VASH2: variants seen among roughly 807,000 people sequenced by gnomAD.
VASH2 encodes the protein tubulinyl-Tyr carboxypeptidase 2.
VASH2 carries 28 observed loss-of-function variants against 37.2 expected under a neutral mutation model. The ratio of observed to expected loss-of-function variants is 0.75; its 90% CI spans 0.56 to 1.03. The LOEUF is 1.03. VASH2 is among the 50% of genes least tolerant of loss of function. The pLI is 0.00. For synonymous variants in VASH2, 188 were observed against 174.7 expected, an observed-to-expected ratio of 1.08 and a Z score of -0.60; for missense variants, 419 against 459.1, an observed-to-expected ratio of 0.91 and a Z score of 0.80.
intron 5 of VASH2, chr1:212,966,872 C>T (rs143673134): frequency 4.6e-4 from 165 of 359,412 alleles, no homozygotes; most frequent in African/African-American, 2.9e-3. Context: ...GGATTACAGG[C>T]GCAGGCCACC....
intron 7 of VASH2, among the ~76,000 whole-genome samples, chr1:212,985,145 C>G (rs1172163988): frequency 1.3e-5 from 2 of 151,678 alleles, no homozygotes; most frequent in African/African-American, 4.8e-5. Context: ...TCTCAGCCTT[C>G]CAAGTAGCTG....
intron 2 of VASH2, among the ~76,000 whole-genome samples, chr1:212,960,304 T>C (rs929304861): frequency 9.9e-5 from 15 of 152,086 alleles, no homozygotes; most frequent in African/African-American, 3.4e-4. Flanking sequence ...GGAGTGTTGA[T>C]TGAGGGGCAG....
rs533964207 is a variant in VASH2, at chr1:212,991,070, A to G, written c.*2486A>G. 4 of 152,374 alleles carry G rather than the reference A, an allele frequency of 2.6e-5. No homozygotes were observed. The East Asian group carries it at 7.7e-4, about 29-fold the overall frequency. The allele number at this position is 152,374 out of a possible 1,614,324, so 9.4% of individuals were successfully genotyped here. The stretch of plus-strand genomic sequence containing the variant: ...GCAAGAGAAATTTTATGTTTAAGCC[A>G]TCATGGCAATATATGCAAAGTTTAA... On this transcript the variant is annotated 3_prime_UTR_variant, in exon 8 of 8. Coordinates refer to ENST00000517399, the MANE Select transcript of VASH2 (RefSeq NM_001301056.2).
chr1:212,969,471 T>C (rs1023020418), intron 5 of VASH2, among the ~76,000 whole-genome samples: 1 of 151,940 alleles, frequency 6.6e-6, no homozygotes, highest in Non-Finnish European at 1.5e-5. Flanking sequence ...GCTGGGATTA[T>C]AGGCGTGAAC....
intron 5 of VASH2, chr1:212,969,155 C>G: frequency 5.1e-6 from 5 of 985,014 alleles, no homozygotes; most frequent in Non-Finnish European, 6.0e-6. Context: ...AAATTTGACT[C>G]TTGCACACAG....
chr1:212,958,901 C>CTTTT (rs1001836819), intron 2 of VASH2, among the ~76,000 whole-genome samples: 1 of 145,768 alleles, frequency 6.9e-6, no homozygotes, highest in African/African-American at 2.5e-5. Context: ...TTCTTTCTTT[C>CTTTT]TTTTTTTTTT....
At position 212,990,628 on chromosome 1, in the gene VASH2, G is replaced by C. The variant is rs1029294652; in HGVS notation, c.*2044G>C. On this transcript the variant is annotated 3_prime_UTR_variant, in exon 8 of 8. Coordinates refer to ENST00000517399, the MANE Select transcript of VASH2 (RefSeq NM_001301056.2). ...TGCATAGCTTGTTTCCCACAACAAG[G>C]AGGAAAAGAACAGGAATACAAACTC... 6.6e-6 allele frequency: 1 copy of C among 152,148 alleles called. No homozygotes were observed. Among genetic ancestry groups the C allele is most frequent in the Non-Finnish European group, 1.5e-5 (1 of 68,040 alleles). 9.4% of individuals were successfully genotyped at this position (152,148 alleles called of 1,614,324 possible). A position where few individuals can be genotyped will look rare whatever the true frequency, so the allele number is the denominator to read the frequency against.
chr1:212,970,387 C>T (rs909118225), intron 5 of VASH2, among the ~76,000 whole-genome samples: 1 of 152,214 alleles, frequency 6.6e-6, no homozygotes, highest in African/African-American at 2.4e-5. Context: ...ACCTGGCTGA[C>T]TACTTATCCT....
intron 7 of VASH2, among the ~76,000 whole-genome samples, chr1:212,976,236 A>G (rs1034099236): frequency 4.6e-5 from 7 of 152,166 alleles, no homozygotes; most frequent in Non-Finnish European, 1.0e-4. Flanking sequence ...ATCTACTTAG[A>G]ATTGCCAGTT....
chr1:212,951,860 T>C lies in VASH2; in HGVS notation c.276+42T>C. 6.4e-7 allele frequency: 1 copy of C among 1,571,110 alleles called. No individual in the cohort carries two copies. Reference sequence around the variant, plus strand: ...GCGGAGTTGGGGGGCTGGGGGTAGGTAGGCAGCGATGGGACCGTTTCAGCC... The same window carrying C: ...GCGGAGTTGGGGGGCTGGGGGTAGGCAGGCAGCGATGGGACCGTTTCAGCC... On this transcript the variant is annotated intron_variant, in intron 2 of 7. Coordinates refer to ENST00000517399, the MANE Select transcript of VASH2 (RefSeq NM_001301056.2). The surrounding 1 kb of genome is among the most constrained non-coding windows in gnomAD (Gnocchi z 4.4).
intron 7 of VASH2, among the ~76,000 whole-genome samples, chr1:212,987,993 T>C (rs901363009): frequency 6.6e-6 from 1 of 152,218 alleles, no homozygotes; most frequent in Non-Finnish European, 1.5e-5. Context: ...TTTTCCACAC[T>C]GACATGCTTT....
chr1:212,962,284 G>A (rs1032729703), intron 3 of VASH2, among the ~76,000 whole-genome samples: 2 of 152,146 alleles, frequency 1.3e-5, no homozygotes, highest in Non-Finnish European at 2.9e-5. Flanking sequence ...TGCCCCTTCT[G>A]GTATTTTATA....
intron 3 of VASH2, 159 bp downstream of exon 3, chr1:212,961,413 G>C: frequency 6.8e-7 from 1 of 1,464,166 alleles, no homozygotes; most frequent in South Asian, 1.4e-5. Flanking sequence ...TAGAAAGAGT[G>C]TGCGTGGAGG....
rs780949869 is a variant in VASH2 at position 212,961,151 on chromosome 1, T to A, written c.277-15T>A. On this transcript the variant is annotated splice_polypyrimidine_tract_variant and intron_variant, in intron 2 of 7. Transcript: ENST00000517399. ...CCTCCTTCATAAACACCTCCTCTTC[T>A]CTATTTTTCTGCAGCCTTCAATACC... The A allele has an allele frequency of 6.2e-7, 1 of 1,613,916 alleles. No individual in the cohort carries two copies. Among genetic ancestry groups the A allele is most frequent in the East Asian group, 2.2e-5 (1 of 44,876 alleles).
intron 2 of VASH2, among the ~76,000 whole-genome samples, chr1:212,954,313 A>G (rs572724965): frequency 6.6e-6 from 1 of 152,352 alleles, no homozygotes; most frequent in East Asian, 1.9e-4. Context: ...CACATATGAA[A>G]CACAGGCTTC....
chr1:212,985,802 G>C (rs535654103), intron 7 of VASH2, among the ~76,000 whole-genome samples: 8 of 152,264 alleles, frequency 5.3e-5, no homozygotes, highest in African/African-American at 1.9e-4. Context: ...AAAGATGAAG[G>C]GCACATACCA....
At chr1:212,953,456 C>G (rs1438361755) in intron 2 of VASH2, among the ~76,000 whole-genome samples, 2 of 152,172 alleles carry the variant, frequency 1.3e-5, no homozygotes, top group Non-Finnish European at 2.9e-5. Context: ...CCGCAAATCA[C>G]ATTTCATCAC....
intron 7 of VASH2, among the ~76,000 whole-genome samples, chr1:212,979,364 G>A (rs886724208): frequency 6.6e-6 from 1 of 152,216 alleles, no homozygotes; most frequent in Non-Finnish European, 1.5e-5. Context: ...TGGTGACTCT[G>A]TCCCTGTGCT....
Position 212,951,655 on chromosome 1 carries a change from CAG to C in VASH2, c.116_117del (p.Glu39GlyfsTer37). On this transcript the variant is annotated frameshift_variant, in exon 2 of 8. Coordinates refer to ENST00000517399, the MANE Select transcript of VASH2 (RefSeq NM_001301056.2). LOFTEE classifies it high-confidence loss of function. This position sits in a 1 kb window ranked among gnomAD's most constrained non-coding sequence, Gnocchi z 4.4. ...GTGAGCCTCGCCACCAGCGGGGGCT[CAG>C]AGGAGGAGGACAAAGACGGCGGGGT... 1 of 1,589,224 alleles carries C rather than the reference CAG, an allele frequency of 6.3e-7. No individual in the cohort carries two copies. Among genetic ancestry groups the C allele is most frequent in the East Asian group, 2.3e-5 (1 of 43,970 alleles).
Sources: allele counts gnomAD v4.1 joint callset (sites outside exome capture counted in the v4.1 genomes callset), GRCh38; gene constraint gnomAD v4.1.1; non-coding constraint Gnocchi (gnomAD v3.1); transcripts MANE v1.5; gene names NCBI Gene and HGNC (gene_info 2026-07-23, HGNC 2026-07-21).